Variants in UGT1A6 observed in about 807,000 individuals in gnomAD.
UGT1A6 encodes the protein UDP glucuronosyltransferase family 1 member A6, also known as UDP-glucuronosyltransferase 1A6.
A neutral mutation model predicts 44.4 loss-of-function variants in UGT1A6; 32 were observed. That is an observed-to-expected ratio of 0.72 (90% CI 0.54 to 0.97). UGT1A6 has a LOEUF of 0.97. Among genes scored for constraint, UGT1A6 ranks in the 50% least tolerant of loss-of-function variants. UGT1A6 has a pLI of 0.00. For synonymous variants in UGT1A6, 238 were observed against 248.5 expected (o/e 0.96, Z 0.40); for missense variants, 685 against 661.9 (o/e 1.03, Z -0.38).
At chr2:233,693,986 G>A (rs1011287666) in intron 1 of UGT1A6, 121 bp downstream of exon 1, 45 of 1,542,954 alleles carry the variant, frequency 2.9e-5, no homozygotes, top group Non-Finnish European at 3.8e-5. Flanking sequence ...GTGGGGGGAA[G>A]TGATACCCGG....
At chr2:233,750,620 T>A (rs1476116797) in intron 1 of UGT1A6, 1 of 151,688 alleles carries the variant, frequency 6.6e-6, no homozygotes, top group Non-Finnish European at 1.5e-5. Flanking sequence ...GTGGGCTGGG[T>A]CCATGCTCCC....
chr2:233,704,330 C>G, intron 1 of UGT1A6, among the ~76,000 whole-genome samples: 1 of 143,058 alleles, frequency 7.0e-6, no homozygotes, highest in East Asian at 2.0e-4. Context: ...TTTCTTTCCA[C>G]TATTTAAAAA....
intron 1 of UGT1A6, among the ~76,000 whole-genome samples, chr2:233,761,404 T>C (rs1310235983): frequency 6.6e-6 from 1 of 152,228 alleles, no homozygotes; most frequent in East Asian, 1.9e-4. Flanking sequence ...TAGTAATCAA[T>C]TAGAAACAAC....
intron 1 of UGT1A6, among the ~76,000 whole-genome samples, chr2:233,752,746 AAAAC>A (rs200752387): frequency 3.8e-4 from 58 of 152,306 alleles, no homozygotes; most frequent in East Asian, 2.5e-3. Context: ...CCCTGTCTCT[AAAAC>A]AAACAAACAA....
upstream of UGT1A6, chr2:233,692,726 C>A: frequency 1.1e-6 from 1 of 900,732 alleles, no homozygotes; most frequent in Non-Finnish European, 1.5e-6. Flanking sequence ...GTTGCTATAA[C>A]TTTTCAGAGA....
chr2:233,720,572 T>C (rs2076872220), intron 1 of UGT1A6, among the ~76,000 whole-genome samples: 1 of 152,112 alleles, frequency 6.6e-6, no homozygotes, highest in Non-Finnish European at 1.5e-5. Context: ...ATCTATTCTT[T>C]TTCCAAAAAT....
intron 1 of UGT1A6, among the ~76,000 whole-genome samples, chr2:233,749,711 T>C (rs748201511): frequency 2.6e-5 from 4 of 151,836 alleles, no homozygotes; most frequent in African/African-American, 4.9e-5. Flanking sequence ...GATTGGATCA[T>C]GGGGGCAGTT....
intron 1 of UGT1A6, chr2:233,761,042 C>G: frequency 6.2e-7 from 1 of 1,614,180 alleles, no homozygotes; most frequent in Non-Finnish European, 8.5e-7. Flanking sequence ...AGCTCTGCAT[C>G]TGTCTGGCTG....
At chr2:233,767,271 T>G in intron 2 of UGT1A6, 106 bp downstream of exon 2, 1 of 1,583,574 alleles carries the variant, frequency 6.3e-7, no homozygotes, top group East Asian at 2.2e-5. Context: ...TAGATTTGGC[T>G]TTTCCCTGCC....
chr2:233,760,683 C>G, intron 1 of UGT1A6: 1 of 1,614,204 alleles, frequency 6.2e-7, no homozygotes, highest in Non-Finnish European at 8.5e-7. Context: ...ACTTACTGCA[C>G]AACAAGGAGC....
chr2:233,698,492 T>C lies in UGT1A6; in HGVS notation c.861+4627T>C, dbSNP rs1274345371. ...GATTTATAGCTTAAAAATGCAGTCC[T>C]CATTAGGCAAATCACATAATCGGCA... On this transcript the variant is annotated intron_variant, in intron 1 of 4. Transcript: ENST00000305139. Among the ~76,000 whole-genome samples, 3 of 152,190 alleles carry C rather than the reference T, an allele frequency of 2.0e-5. No individual in the cohort carries two copies. The East Asian group carries it at 5.8e-4, about 29-fold the overall frequency.
chr2:233,759,153 G>C (rs1244080154), intron 1 of UGT1A6, among the ~76,000 whole-genome samples: 1 of 152,246 alleles, frequency 6.6e-6, no homozygotes, highest in African/African-American at 2.4e-5. Flanking sequence ...GAGTTCCACA[G>C]AACACAAGGC....
chr2:233,772,227 T>G, intron 4 of UGT1A6, 35 bp from the exon 5 acceptor site: 7 of 1,613,472 alleles, frequency 4.3e-6, no homozygotes, highest in Non-Finnish European at 5.1e-6. Flanking sequence ...ATACCACAGG[T>G]GTTCCAGGCA....
Position 233,693,031 on chromosome 2 carries a change from G to A in UGT1A6, c.27G>A (p.Gln9=), listed in dbSNP as rs766815979. MACLLRSF[Q]RISAGVFFLA... is the part of the protein sequence containing the mutation. ...TGGCCTGCCTCCTTCGCTCATTTCAGAGAATTTCTGCAGGGGTTTTCTTCT... is the reference window on the plus strand; with the variant it reads ...TGGCCTGCCTCCTTCGCTCATTTCAAAGAATTTCTGCAGGGGTTTTCTTCT... Residue 9 remains glutamine (Q), a synonymous_variant, in exon 1 of 5, where the codon CAG becomes CAA. Coordinates refer to ENST00000305139, the MANE Select transcript of UGT1A6 (RefSeq NM_001072.4). 16 of 1,614,172 alleles carry A rather than the reference G, an allele frequency of 9.9e-6. No individual in the cohort carries two copies. In the South Asian group the frequency reaches 1.4e-4, roughly 14 times the overall value.
chr2:233,729,424 T>C lies in UGT1A6; in HGVS notation c.861+35559T>C, dbSNP rs371703949. 59 of 1,613,782 alleles carry C rather than the reference T, an allele frequency of 3.7e-5. No homozygotes were observed. The highest frequency in any genetic ancestry group is 4.8e-5 in the Non-Finnish European group (57 of 1,179,838). ...CCATGTGCTGGGCCACACTCAACTGTACTTTGAAACAGAACATTTTCTGAA... is the reference window on the plus strand; with the variant it reads ...CCATGTGCTGGGCCACACTCAACTGCACTTTGAAACAGAACATTTTCTGAA... On this transcript the variant is annotated intron_variant, in intron 1 of 4. Coordinates refer to ENST00000305139, the MANE Select transcript of UGT1A6 (RefSeq NM_001072.4).
intron 1 of UGT1A6, among the ~76,000 whole-genome samples, chr2:233,737,698 T>C (rs1168746375): frequency 6.6e-6 from 1 of 152,140 alleles, no homozygotes; most frequent in Non-Finnish European, 1.5e-5. Flanking sequence ...TGCTGAAGCT[T>C]CCGTTCTCCT....
chr2:233,693,817 G>C lies in UGT1A6; in HGVS notation c.813G>C (p.Met271Ile), dbSNP rs1367141196. ...LEYPRPVMPN[M>I]VFIGGINCKK... ...ATCCTAGGCCGGTCATGCCCAACAT[G>C]GTCTTCATTGGAGGTATCAACTGTA... Residue 271 changes from methionine (M) to isoleucine (I), a missense_variant, in exon 1 of 5, where the codon ATG becomes ATC. By Grantham distance (10) the Met-to-Ile change is conservative. Coordinates refer to ENST00000305139, the MANE Select transcript of UGT1A6 (RefSeq NM_001072.4). 6.2e-7 allele frequency: 1 copy of C among 1,614,142 alleles called. No individual in the cohort carries two copies. The highest frequency in any genetic ancestry group is 1.7e-5 in the Admixed American group (1 of 60,008).
chr2:233,765,512 A>T (rs1230847041), intron 1 of UGT1A6, among the ~76,000 whole-genome samples: 5 of 152,144 alleles, frequency 3.3e-5, no homozygotes, highest in African/African-American at 1.2e-4. Flanking sequence ...AGGAACAGAA[A>T]ATCAAACACC....
chr2:233,695,574 C>T (rs1290586951), intron 1 of UGT1A6, among the ~76,000 whole-genome samples: 3 of 151,864 alleles, frequency 2.0e-5, no homozygotes, highest in Non-Finnish European at 4.4e-5. Context: ...ACCCCCCCTT[C>T]CCTACTTACC....
Sources: gnomAD v4.1 joint callset for allele counts (sites outside exome capture counted in the v4.1 genomes callset) on GRCh38, gnomAD v4.1.1 for gene constraint, MANE v1.5 for transcripts, NCBI Gene and HGNC (gene_info 2026-07-23, HGNC 2026-07-21) for gene names.